FTO: variants seen among roughly 807,000 people sequenced by gnomAD.
FTO encodes the protein alpha-ketoglutarate-dependent dioxygenase FTO.
A neutral mutation model predicts 63.9 loss-of-function variants in FTO; 47 were observed. That is an observed-to-expected ratio of 0.74 (90% CI 0.58 to 0.94). The LOEUF is 0.94. Among genes scored for constraint, FTO ranks in the 40% least tolerant of loss-of-function variants. FTO has a pLI of 0.00. For synonymous variants in FTO, 207 were observed against 224.4 expected, an observed-to-expected ratio of 0.92 and a Z score of 0.69; for missense variants, 562 against 618.1, an observed-to-expected ratio of 0.91 and a Z score of 0.96.
At chr16:53,718,284 A>C (rs1202961178) in intron 1 of FTO, among the ~76,000 whole-genome samples, 1 of 152,038 alleles carries the variant, frequency 6.6e-6, no homozygotes, top group African/African-American at 2.4e-5. Context: ...TTTTTTGGTT[A>C]CTATTGAAAA....
At position 54,032,625 on chromosome 16, in the gene FTO, G is replaced by T. The variant is rs1368030875; in HGVS notation, c.1365-79137G>T. Among the ~76,000 whole-genome samples, 3 of 152,128 alleles carry T rather than the reference G, an allele frequency of 2.0e-5. No homozygotes were observed. The East Asian group carries it at 5.8e-4, about 29-fold the overall frequency. On this transcript the variant is annotated intron_variant, in intron 8 of 8. Coordinates refer to ENST00000471389, the MANE Select transcript of FTO (RefSeq NM_001080432.3). The stretch of plus-strand genomic sequence containing the variant: ...GATATTTTGTTATGGGTTAGTAATT[G>T]CCTTGACTATCTTCTTGCAGAGCTT...
At chr16:53,853,818 T>G (rs2079891225) in intron 4 of FTO, among the ~76,000 whole-genome samples, 1 of 152,320 alleles carries the variant, frequency 6.6e-6, no homozygotes, top group Non-Finnish European at 1.5e-5. Flanking sequence ...TATAATGACT[T>G]CTTTTTCAGG....
chr16:54,073,656 T>C (rs569762051), intron 8 of FTO, among the ~76,000 whole-genome samples: 43 of 151,752 alleles, frequency 2.8e-4, no homozygotes, highest in African/African-American at 1.0e-3. Context: ...ACTGTCTCAA[T>C]GTGTTGTTCT....
At chr16:54,050,727 G>A (rs888220405) in intron 8 of FTO, among the ~76,000 whole-genome samples, 2 of 152,124 alleles carry the variant, frequency 1.3e-5, no homozygotes, top group Non-Finnish European at 2.9e-5. Flanking sequence ...TAGACAGTTG[G>A]CATGACCGCA....
In FTO at chr16:54,019,818, G is replaced by A. The variant is rs367977466; in HGVS notation, c.1364+85709G>A. On this transcript the variant is annotated intron_variant, in intron 8 of 8. Coordinates refer to ENST00000471389, the MANE Select transcript of FTO (RefSeq NM_001080432.3). ...CCACTTTGAATTACTCAGGCTCTGTGCATCTCTTTCCACTGCACAGCGTAG... is the reference window on the plus strand; with the variant it reads ...CCACTTTGAATTACTCAGGCTCTGTACATCTCTTTCCACTGCACAGCGTAG... 5.9e-5 allele frequency among the ~76,000 whole-genome samples: 9 copies of A among 152,252 alleles called. No individual in the cohort carries two copies. In the South Asian group the frequency reaches 1.9e-3, roughly 32 times the overall value.
chr16:53,949,028 A>G (rs1357042973), intron 8 of FTO, among the ~76,000 whole-genome samples: 1 of 152,226 alleles, frequency 6.6e-6, no homozygotes, highest in Non-Finnish European at 1.5e-5. Context: ...AACAAAGTAT[A>G]TGAGAGTTTC....
At chr16:53,982,761 A>C (rs2083576765) in intron 8 of FTO, among the ~76,000 whole-genome samples, 1 of 152,224 alleles carries the variant, frequency 6.6e-6, no homozygotes, top group Non-Finnish European at 1.5e-5. Context: ...TGCAGCTCGA[A>C]GCTGGCAAAG....
intron 8 of FTO, among the ~76,000 whole-genome samples, chr16:53,968,088 G>A (rs978330512): frequency 3.3e-5 from 5 of 151,770 alleles, no homozygotes; most frequent in African/African-American, 1.2e-4. Context: ...TACTTGATTC[G>A]GGTCTATCAG....
chr16:53,710,547 G>A (rs972159835), intron 1 of FTO, among the ~76,000 whole-genome samples: 10 of 152,146 alleles, frequency 6.6e-5, no homozygotes, highest in African/African-American at 2.2e-4. Flanking sequence ...ACAGGCGTGA[G>A]CCACCGTGCG....
At chr16:54,012,603 G>A (rs543014122) in intron 8 of FTO, among the ~76,000 whole-genome samples, 4 of 152,302 alleles carry the variant, frequency 2.6e-5, no homozygotes, top group African/African-American at 7.2e-5. Flanking sequence ...TGACCTCAAA[G>A]CTTCACAGGA....
At chr16:54,094,399 G>T (rs549358691) in intron 8 of FTO, among the ~76,000 whole-genome samples, 2 of 152,304 alleles carry the variant, frequency 1.3e-5, no homozygotes. Flanking sequence ...AATTTGGCCT[G>T]CTCTCTATTG....
intron 4 of FTO, among the ~76,000 whole-genome samples, chr16:53,846,261 A>C (rs1333470126): frequency 6.6e-6 from 1 of 152,148 alleles, no homozygotes; most frequent in African/African-American, 2.4e-5. Context: ...GCCTGATCTC[A>C]GGAAGTAAGT....
At chr16:53,810,816 T>C (rs2078500184) in intron 2 of FTO, among the ~76,000 whole-genome samples, 1 of 152,212 alleles carries the variant, frequency 6.6e-6, no homozygotes, top group African/African-American at 2.4e-5. Flanking sequence ...ACAAAAGATG[T>C]CACCCGATCA....
In FTO at chr16:54,115,564, A is replaced by C. The variant is rs2144645725; in HGVS notation, c.*3649A>C. 6.6e-6 allele frequency: 1 copy of C among 152,400 alleles called. No homozygotes were observed. Among genetic ancestry groups the C allele is most frequent in the African/African-American group, 2.4e-5 (1 of 41,534 alleles). The allele number at this position is 152,400 out of a possible 1,614,324, so 9.4% of individuals were successfully genotyped here. ...CTGTGGGGAAGGGAGGTGGTTGGGAAGAGCTTCCCAGGAAAGGGGACGGCG... is the reference window on the plus strand; with the variant it reads ...CTGTGGGGAAGGGAGGTGGTTGGGACGAGCTTCCCAGGAAAGGGGACGGCG... On this transcript the variant is annotated 3_prime_UTR_variant, in exon 9 of 9. Coordinates refer to ENST00000471389, the MANE Select transcript of FTO (RefSeq NM_001080432.3).
At chr16:53,900,425 T>C (rs990279089) in intron 7 of FTO, among the ~76,000 whole-genome samples, 2 of 152,164 alleles carry the variant, frequency 1.3e-5, no homozygotes, top group East Asian at 3.9e-4. Context: ...TTCCGTCTTT[T>C]AAATCTGAAA....
intron 8 of FTO, among the ~76,000 whole-genome samples, chr16:54,076,050 C>T (rs1395578421): frequency 2.6e-5 from 4 of 152,102 alleles, no homozygotes; most frequent in Non-Finnish European, 5.9e-5. Flanking sequence ...GACAATCCTC[C>T]AAGACAAGCA....
At chr16:53,979,566 TGCGCGC>T in intron 8 of FTO, 1 of 331,602 alleles carries the variant, frequency 3.0e-6, no homozygotes. Context: ...TGTGTGTGTG[TGCGCGC>T]GTGTGTGAAT....
intron 4 of FTO, among the ~76,000 whole-genome samples, chr16:53,850,448 G>C (rs1343428603): frequency 6.6e-6 from 1 of 151,414 alleles, no homozygotes; most frequent in Non-Finnish European, 1.5e-5. Flanking sequence ...CTTGATATCT[G>C]ATTTTTTTTA....
Position 54,113,592 on chromosome 16 carries a change from C to T in FTO, c.*1677C>T, listed in dbSNP as rs2086937214. On this transcript the variant is annotated 3_prime_UTR_variant, in exon 9 of 9. Coordinates refer to ENST00000471389, the MANE Select transcript of FTO (RefSeq NM_001080432.3). ...AAAAGAGAAGTGAAGCAGTGTCTCA[C>T]AGGGTCATTACAGAGATTAAATGAA... The T allele has an allele frequency of 6.6e-6, 1 of 152,146 alleles. No homozygotes were observed. Among genetic ancestry groups the T allele is most frequent in the African/African-American group, 2.4e-5 (1 of 41,408 alleles). 9.4% of individuals were successfully genotyped at this position (152,146 alleles called of 1,614,324 possible). A position where few individuals can be genotyped will look rare whatever the true frequency, so the allele number is the denominator to read the frequency against.
Sources: allele counts gnomAD v4.1 joint callset (sites outside exome capture counted in the v4.1 genomes callset), GRCh38; gene constraint gnomAD v4.1.1; transcripts MANE v1.5; gene names NCBI Gene and HGNC (gene_info 2026-07-23, HGNC 2026-07-21).